Variants in MAN1C1 observed in about 807,000 individuals in gnomAD.
MAN1C1 encodes mannosyl-oligosaccharide 1,2-alpha-mannosidase IC.
In MAN1C1, 49 loss-of-function variants were observed where a neutral mutation model predicts 71.5. The ratio of observed to expected loss-of-function variants is 0.69; its 90% CI spans 0.54 to 0.87. The LOEUF is 0.87. Ranked by LOEUF, MAN1C1 falls within the 40% of genes least tolerant of loss-of-function variation. MAN1C1 has a pLI of 0.00. For missense variants in MAN1C1, 743 were observed against 835.0 expected, an observed-to-expected ratio of 0.89 and a Z score of 1.36; for synonymous variants, 352 against 343.7, an observed-to-expected ratio of 1.02 and a Z score of -0.27.
At position 25,776,373 on chromosome 1, in the gene MAN1C1, A is replaced by G. The variant is rs1012684408; in HGVS notation, c.1258-1732A>G. ...CAAGACCAGCCTGGCCAACATGGTG[A>G]AACCCCATCTCTACTAAAAATACAA... On this transcript the variant is annotated intron_variant, in intron 8 of 11. Transcript: ENST00000374332. This position sits in a 1 kb window ranked among gnomAD's most constrained non-coding sequence, Gnocchi z 4.3. 2.6e-5 allele frequency among the ~76,000 whole-genome samples: 4 copies of G among 152,104 alleles called. No individual in the cohort carries two copies. The highest frequency in any genetic ancestry group is 9.7e-5 in the African/African-American group (4 of 41,436).
At chr1:25,731,541 G>A (rs991989242) in intron 2 of MAN1C1, among the ~76,000 whole-genome samples, 2 of 152,196 alleles carry the variant, frequency 1.3e-5, no homozygotes, top group African/African-American at 4.8e-5. Flanking sequence ...AAGTCACACA[G>A]CTAGTAATAG....
At chr1:25,627,038 C>A (rs1214927676) in intron 1 of MAN1C1, among the ~76,000 whole-genome samples, 1 of 152,036 alleles carries the variant, frequency 6.6e-6, no homozygotes, top group African/African-American at 2.4e-5. Flanking sequence ...TCATTGACTT[C>A]AAGTTAATTT....
chr1:25,741,572 C>A (rs75435956), intron 2 of MAN1C1, among the ~76,000 whole-genome samples: 4 of 152,126 alleles, frequency 2.6e-5, no homozygotes, highest in African/African-American at 9.7e-5. Flanking sequence ...ACAGTCCCCA[C>A]TATTATAAAG....
intron 2 of MAN1C1, among the ~76,000 whole-genome samples, chr1:25,739,223 G>C (rs1230832692): frequency 5.3e-5 from 8 of 152,164 alleles, no homozygotes; most frequent in Non-Finnish European, 7.3e-5. Context: ...TCAAGGGGAG[G>C]AGCCATGGGA....
chr1:25,718,194 G>C (rs1201515921), intron 2 of MAN1C1, among the ~76,000 whole-genome samples: 1 of 152,096 alleles, frequency 6.6e-6, no homozygotes, highest in Admixed American at 6.6e-5. Context: ...TAATCGTCGT[G>C]TTTGTTTGAT....
intron 7 of MAN1C1, among the ~76,000 whole-genome samples, chr1:25,770,960 G>A (rs907026586): frequency 6.6e-6 from 1 of 152,184 alleles, no homozygotes; most frequent in Non-Finnish European, 1.5e-5. Flanking sequence ...TTGCGTCTGC[G>A]GTGAAGTGTT....
intron 1 of MAN1C1, among the ~76,000 whole-genome samples, chr1:25,663,977 A>G (rs2124109626): frequency 6.6e-6 from 1 of 152,336 alleles, no homozygotes; most frequent in East Asian, 1.9e-4. Context: ...TTAAAGAAAC[A>G]TGACTTAGTT....
chr1:25,655,346 T>C (rs2045749891), intron 1 of MAN1C1, among the ~76,000 whole-genome samples: 2 of 152,236 alleles, frequency 1.3e-5, no homozygotes, highest in Non-Finnish European at 2.9e-5. Flanking sequence ...CTTCCAGGGT[T>C]AAAGTTCCCC....
intron 2 of MAN1C1, among the ~76,000 whole-genome samples, chr1:25,733,380 C>A (rs562297830): frequency 6.6e-6 from 1 of 152,140 alleles, no homozygotes; most frequent in Non-Finnish European, 1.5e-5. Flanking sequence ...CCTCCACCCC[C>A]TCACTGCCCA....
chr1:25,763,570 A>C lies in MAN1C1; in HGVS notation c.1048-304A>C, dbSNP rs1203827866. 1.4e-5 allele frequency: 4 copies of C among 295,012 alleles called. No homozygotes were observed. In the East Asian group the frequency reaches 3.1e-4, roughly 23 times the overall value. The allele number at this position is 295,012 out of a possible 1,614,324, so 18.3% of individuals were successfully genotyped here. Reference sequence around the variant, plus strand: ...CAGCAAGCAATGAGGAAGTGTTGAGAGTTGGGTGGGATAGGAGTCGGCCAG... The same window carrying C: ...CAGCAAGCAATGAGGAAGTGTTGAGCGTTGGGTGGGATAGGAGTCGGCCAG... On this transcript the variant is annotated intron_variant, in intron 6 of 11. Coordinates refer to ENST00000374332, the MANE Select transcript of MAN1C1 (RefSeq NM_020379.4).
chr1:25,630,904 T>G (rs2045369042), intron 1 of MAN1C1, among the ~76,000 whole-genome samples: 1 of 152,218 alleles, frequency 6.6e-6, no homozygotes, highest in Non-Finnish European at 1.5e-5. Context: ...CTTTATTCCT[T>G]TCTCTTGCCA....
chr1:25,728,058 C>T (rs1173505758), intron 2 of MAN1C1, among the ~76,000 whole-genome samples: 1 of 152,212 alleles, frequency 6.6e-6, no homozygotes, highest in East Asian at 1.9e-4. Context: ...CTTCCCGGGG[C>T]AGCTTCCAGG....
intron 2 of MAN1C1, among the ~76,000 whole-genome samples, chr1:25,693,607 G>A (rs1044356122): frequency 5.3e-5 from 8 of 152,156 alleles, no homozygotes; most frequent in African/African-American, 1.9e-4. Context: ...CTCCAGCTTG[G>A]GCGACAGAAT....
intron 1 of MAN1C1, among the ~76,000 whole-genome samples, chr1:25,656,095 C>CTTTTGTTTTTTTTTTTTTTTT (rs2045761118): frequency 1.3e-5 from 1 of 74,986 alleles, no homozygotes; most frequent in African/African-American, 8.2e-5. Flanking sequence ...GATTATCAGT[C>CTTTTGTTTTTTTTTTTTTTTT]TTTTTTTTTT....
Position 25,741,446 on chromosome 1 carries a change from A to G in MAN1C1, c.638-5222A>G, listed in dbSNP as rs569622905. Among the ~76,000 whole-genome samples the G allele has an allele frequency of 4.6e-5, 7 of 152,298 alleles. No individual in the cohort carries two copies. In the South Asian group the frequency reaches 1.5e-3, roughly 32 times the overall value. ...CAGGGTAGAAGGAGAAGCAAGAGGAAGAATGGCAGCCTGAAGGCCAAGATC... is the reference window on the plus strand; with the variant it reads ...CAGGGTAGAAGGAGAAGCAAGAGGAGGAATGGCAGCCTGAAGGCCAAGATC... On this transcript the variant is annotated intron_variant, in intron 2 of 11. Transcript: ENST00000374332.
chr1:25,676,158 G>C (rs1190919603), intron 1 of MAN1C1, among the ~76,000 whole-genome samples: 1 of 152,202 alleles, frequency 6.6e-6, no homozygotes, highest in Admixed American at 6.5e-5. Flanking sequence ...GCTGCAGACA[G>C]GATGCGATTC....
chr1:25,663,200 G>T (rs934325191), intron 1 of MAN1C1, among the ~76,000 whole-genome samples: 2 of 145,880 alleles, frequency 1.4e-5, no homozygotes, highest in African/African-American at 5.0e-5. Flanking sequence ...TATAAAATAC[G>T]TATATTTAAA....
At chr1:25,685,409 T>A (rs1444254701) in intron 1 of MAN1C1, among the ~76,000 whole-genome samples, 1 of 152,108 alleles carries the variant, frequency 6.6e-6, no homozygotes, top group Non-Finnish European at 1.5e-5. Flanking sequence ...GCTCCACGGG[T>A]CACCCCAGAA....
intron 1 of MAN1C1, among the ~76,000 whole-genome samples, chr1:25,647,753 G>A (rs1286274624): frequency 6.6e-6 from 1 of 152,184 alleles, no homozygotes; most frequent in Non-Finnish European, 1.5e-5. Context: ...GTGGGGAAGA[G>A]CGATGGGGGA....
Sources: allele counts gnomAD v4.1 joint callset (sites outside exome capture counted in the v4.1 genomes callset), GRCh38; gene constraint gnomAD v4.1.1; non-coding constraint Gnocchi (gnomAD v3.1); transcripts MANE v1.5; gene names NCBI Gene and HGNC (gene_info 2026-07-23, HGNC 2026-07-21).